PPP4R3B: variants seen among roughly 807,000 people sequenced by gnomAD.
PPP4R3B encodes the protein protein phosphatase 4 regulatory subunit 3B, also known as serine/threonine-protein phosphatase 4 regulatory subunit 3B.
In PPP4R3B, 52 loss-of-function variants were observed where a neutral mutation model predicts 95.4. The observed-to-expected ratio is 0.54, with a 90% CI of 0.44 to 0.69. PPP4R3B has a LOEUF of 0.69. Ranked by LOEUF, PPP4R3B falls within the 30% of genes least tolerant of loss-of-function variation. PPP4R3B has a pLI of 0.00. For synonymous variants in PPP4R3B, 407 were observed against 343.9 expected, an observed-to-expected ratio of 1.18 and a Z score of -2.03; for missense variants, 1,003 against 1,005.9, an observed-to-expected ratio of 1.00 and a Z score of 0.04.
At chr2:55,569,897 G>A (rs4322879) in intron 12 of PPP4R3B, among the ~76,000 whole-genome samples, 1 of 151,932 alleles carries the variant, frequency 6.6e-6, no homozygotes, top group Non-Finnish European at 1.5e-5. Flanking sequence ...ACACTAAAGA[G>A]GCTCCTGATG....
At chr2:55,589,044 G>T (rs1690587828) in intron 4 of PPP4R3B, 88 bp from the exon 5 acceptor site, 1 of 794,798 alleles carries the variant, frequency 1.3e-6, no homozygotes, top group Admixed American at 2.6e-5. Context: ...ATAAAAAATA[G>T]TTGACAAGTA....
intron 6 of PPP4R3B, among the ~76,000 whole-genome samples, chr2:55,585,407 A>G (rs912245805): frequency 6.6e-6 from 1 of 152,224 alleles, no homozygotes; most frequent in Non-Finnish European, 1.5e-5. Flanking sequence ...ATATACAGAG[A>G]ATTTAAATAT....
intron 9 of PPP4R3B, 94 bp from the exon 10 acceptor site, chr2:55,578,436 A>T (rs1346202513): frequency 8.8e-7 from 1 of 1,135,554 alleles, no homozygotes; most frequent in Non-Finnish European, 1.1e-6. Context: ...TGTAAGCTGG[A>T]AGTGTTTTAT....
rs1686218559 is a variant in PPP4R3B at position 55,558,951 on chromosome 2, T to C, written c.2278A>G (p.Lys760Glu). ...ETKKAKESEDKENLPKRTSPG... is the reference protein window; with the variant it reads ...ETKKAKESEDEENLPKRTSPG... ...GATGTCCTTTTGGGAAGGTTTTCCT[T>C]GTCTTCACTTTCTTTTGCTAAAGCA... The change falls in exon 16 of 17, where the codon AAG becomes GAG. Residue 760 changes from lysine to glutamate, a missense_variant. Physicochemically the swap from Lys to Glu is moderately conservative, Grantham distance 56. This residue lies in a region of PPP4R3B where 229 missense variants were observed against 194.7 expected (regional missense o/e 1.18). Transcript: ENST00000616407. The C allele has an allele frequency of 1.2e-6, 2 of 1,608,300 alleles. No homozygotes were observed. The highest frequency in any genetic ancestry group is 1.7e-6 in the Non-Finnish European group (2 of 1,177,996).
chr2:55,617,551 T>G lies in PPP4R3B; in HGVS notation c.-266A>C. ...GTCTCTTTGCCCCCCAGGGCTCGCTTGCTCTCCCGCCGCCGCGGTAACTAC... is the reference window on the plus strand; with the variant it reads ...GTCTCTTTGCCCCCCAGGGCTCGCTGGCTCTCCCGCCGCCGCGGTAACTAC... On this transcript the variant is annotated 5_prime_UTR_variant, in exon 1 of 17. Coordinates refer to ENST00000616407, the MANE Select transcript of PPP4R3B (RefSeq NM_001122964.3). 1 of 373,008 alleles carries G rather than the reference T, an allele frequency of 2.7e-6. No homozygotes were observed. Among genetic ancestry groups the G allele is most frequent in the Non-Finnish European group, 4.9e-6 (1 of 205,512 alleles). The allele number at this position is 373,008 out of a possible 1,614,324, so 23.1% of individuals were successfully genotyped here.
intron 3 of PPP4R3B, among the ~76,000 whole-genome samples, chr2:55,601,390 T>C (rs149279332): frequency 4.3e-4 from 66 of 151,886 alleles, no homozygotes; most frequent in African/African-American, 1.5e-3. Flanking sequence ...TTTTCTTTTT[T>C]TTTTTTTTGA....
At chr2:55,564,648 T>C in intron 14 of PPP4R3B, 151 bp from the exon 15 acceptor site, 1 of 795,738 alleles carries the variant, frequency 1.3e-6, no homozygotes, top group Non-Finnish European at 1.9e-6. Flanking sequence ...ATAGAAGATG[T>C]AGCCAGAGAA....
At chr2:55,595,170 C>A (rs113453381) in intron 4 of PPP4R3B, among the ~76,000 whole-genome samples, 1 of 151,686 alleles carries the variant, frequency 6.6e-6, no homozygotes, top group Non-Finnish European at 1.5e-5. Flanking sequence ...ATTACAGGCA[C>A]GTGCCACTGT....
chr2:55,609,824 T>C (rs895389225), intron 2 of PPP4R3B, among the ~76,000 whole-genome samples: 4 of 152,106 alleles, frequency 2.6e-5, no homozygotes, highest in Non-Finnish European at 4.4e-5. Context: ...ATACATACAA[T>C]TGTATGCATA....
intron 2 of PPP4R3B, among the ~76,000 whole-genome samples, chr2:55,611,770 T>C (rs1307629912): frequency 6.6e-6 from 1 of 152,154 alleles, no homozygotes; most frequent in African/African-American, 2.4e-5. Context: ...GCTTTGTCTC[T>C]CCACCTGGAG....
intron 3 of PPP4R3B, among the ~76,000 whole-genome samples, chr2:55,599,572 C>A (rs539135612): frequency 6.6e-6 from 1 of 152,324 alleles, no homozygotes; most frequent in South Asian, 2.1e-4. Flanking sequence ...GAGAAATCAA[C>A]TTTTGTTGTG....
At chr2:55,558,624 A>G in intron 16 of PPP4R3B, 151 bp downstream of exon 16, 6 of 588,556 alleles carry the variant, frequency 1.0e-5, no homozygotes, top group South Asian at 8.8e-5. Context: ...AAAATAAAAT[A>G]AAATAAAATT....
chr2:55,597,243 T>C (rs1432208183), intron 4 of PPP4R3B, among the ~76,000 whole-genome samples: 1 of 152,086 alleles, frequency 6.6e-6, no homozygotes, highest in African/African-American at 2.4e-5. Context: ...TCCAAGCACT[T>C]TGGGAGGCCG....
At chr2:55,603,942 C>G in intron 3 of PPP4R3B, 36 bp downstream of exon 3, 1 of 1,454,338 alleles carries the variant, frequency 6.9e-7, no homozygotes, top group Non-Finnish European at 9.4e-7. Flanking sequence ...AGAAAAGAAG[C>G]AAACATTAAG....
At chr2:55,569,734 C>G (rs577292652) in intron 12 of PPP4R3B, among the ~76,000 whole-genome samples, 1 of 152,110 alleles carries the variant, frequency 6.6e-6, no homozygotes, top group Non-Finnish European at 1.5e-5. Flanking sequence ...GCCTGGCATT[C>G]GGGGCCACTA....
At chr2:55,596,751 T>G (rs1285268049) in intron 4 of PPP4R3B, among the ~76,000 whole-genome samples, 1 of 152,020 alleles carries the variant, frequency 6.6e-6, no homozygotes, top group Non-Finnish European at 1.5e-5. Flanking sequence ...TCACCTGAGG[T>G]CAGGAGTTTG....
intron 1 of PPP4R3B, 140 bp from the exon 2 acceptor site, chr2:55,615,646 G>A: frequency 1.8e-6 from 1 of 562,876 alleles, no homozygotes; most frequent in Non-Finnish European, 3.1e-6. Context: ...ACGAGGTCAA[G>A]AGATCCAGAC....
intron 2 of PPP4R3B, among the ~76,000 whole-genome samples, chr2:55,605,734 C>A (rs749530947): frequency 2.6e-5 from 4 of 151,826 alleles, no homozygotes; most frequent in Non-Finnish European, 5.9e-5. Context: ...GGTGAAACCC[C>A]GTCTCTACTA....
intron 3 of PPP4R3B, 55 bp downstream of exon 3, chr2:55,603,923 A>G (rs140736956): frequency 6.0e-6 from 8 of 1,331,408 alleles, no homozygotes; most frequent in African/African-American, 4.5e-5. Context: ...AAAAGGAAAC[A>G]AAAATTCCAG....
Sources: allele counts gnomAD v4.1 joint callset (sites outside exome capture counted in the v4.1 genomes callset), GRCh38; gene constraint gnomAD v4.1.1; regional missense constraint gnomAD v4.1.1; transcripts MANE v1.5; gene names NCBI Gene and HGNC (gene_info 2026-07-23, HGNC 2026-07-21).